The following CACNA2D1 variants were observed in gnomAD, a reference collection of about 807,000 sequenced individuals.
CACNA2D1 encodes the protein voltage-dependent calcium channel subunit alpha-2/delta-1.
A neutral mutation model predicts 171.5 loss-of-function variants in CACNA2D1; 53 were observed. The observed-to-expected ratio is 0.31, with a 90% CI of 0.25 to 0.39. The LOEUF is 0.39. CACNA2D1 is among the 10% of genes least tolerant of loss of function. CACNA2D1 has a pLI of 1.00. For missense variants in CACNA2D1, 903 were observed against 1,299.8 expected, an observed-to-expected ratio of 0.69 and a Z score of 4.69; for synonymous variants, 442 against 443.1, an observed-to-expected ratio of 1.00 and a Z score of 0.03.
chr7:82,147,367 AG>A (rs758338108), intron 4 of CACNA2D1, among the ~76,000 whole-genome samples: 13 of 152,162 alleles, frequency 8.5e-5, no homozygotes, highest in Non-Finnish European at 1.3e-4. Context: ...AGAAGAGCAA[AG>A]GTAGAATATG....
At chr7:82,418,819 A>C (rs1828433326) in intron 1 of CACNA2D1, among the ~76,000 whole-genome samples, 1 of 152,200 alleles carries the variant, frequency 6.6e-6, no homozygotes, top group African/African-American at 2.4e-5. Context: ...TCAGAGCCAC[A>C]TATAAGACTA....
chr7:82,145,639 T>G (rs966391669), intron 4 of CACNA2D1, among the ~76,000 whole-genome samples: 8 of 115,614 alleles, frequency 6.9e-5, no homozygotes, highest in African/African-American at 2.7e-4. Context: ...TATAAAAATT[T>G]TATATGTAAA....
At chr7:82,070,600 G>T (rs771268616) in intron 7 of CACNA2D1, among the ~76,000 whole-genome samples, 2 of 152,182 alleles carry the variant, frequency 1.3e-5, no homozygotes, top group Non-Finnish European at 2.9e-5. Flanking sequence ...GGGAGGAAGT[G>T]TGGAGAAAGC....
chr7:82,106,165 T>C (rs1584766860), intron 6 of CACNA2D1, among the ~76,000 whole-genome samples: 1 of 152,182 alleles, frequency 6.6e-6, no homozygotes, highest in South Asian at 2.1e-4. Flanking sequence ...GTCGTTTTAA[T>C]AAAATTTTAG....
chr7:82,324,305 C>T (rs1357048147), intron 3 of CACNA2D1, among the ~76,000 whole-genome samples: 4 of 150,260 alleles, frequency 2.7e-5, no homozygotes, highest in Admixed American at 2.0e-4. Flanking sequence ...TTGCAGTGAG[C>T]CAAGATCGCG....
intron 1 of CACNA2D1, among the ~76,000 whole-genome samples, chr7:82,424,651 T>C (rs962155481): frequency 6.6e-6 from 1 of 152,218 alleles, no homozygotes; most frequent in African/African-American, 2.4e-5. Context: ...ACAATAATGG[T>C]ATAAATTGGC....
chr7:82,158,191 A>G (rs1017967038), intron 4 of CACNA2D1, among the ~76,000 whole-genome samples: 4 of 151,758 alleles, frequency 2.6e-5, no homozygotes. Flanking sequence ...CTATATATAT[A>G]ATGTTTATAA....
At chr7:81,971,092 G>T in intron 26 of CACNA2D1, 1 of 248,004 alleles carries the variant, frequency 4.0e-6, no homozygotes. Flanking sequence ...CAAAAGGAGA[G>T]AAACAGTAAG....
intron 3 of CACNA2D1, among the ~76,000 whole-genome samples, chr7:82,304,533 T>C (rs1585413619): frequency 6.6e-6 from 1 of 152,052 alleles, no homozygotes; most frequent in South Asian, 2.1e-4. Context: ...AAAAAAAGAA[T>C]GAAATTTTGT....
chr7:82,226,762 G>A (rs778839173), intron 3 of CACNA2D1, among the ~76,000 whole-genome samples: 5 of 152,166 alleles, frequency 3.3e-5, no homozygotes, highest in African/African-American at 4.8e-5. Context: ...CTTAGCGACT[G>A]TTTTTCTTGC....
chr7:81,958,823 T>G (rs1793744810), intron 38 of CACNA2D1, among the ~76,000 whole-genome samples: 1 of 151,550 alleles, frequency 6.6e-6, no homozygotes, highest in East Asian at 1.9e-4. Flanking sequence ...TCTGTAATAA[T>G]AAGACAATGG....
intron 6 of CACNA2D1, among the ~76,000 whole-genome samples, chr7:82,111,428 G>GTATATATGTGTGTATA (rs1584787281): frequency 4.0e-5 from 2 of 50,416 alleles, no homozygotes; most frequent in Admixed American, 2.3e-4. Flanking sequence ...ATATATGTGT[G>GTATATATGTGTGTATA]TATATATATA....
intron 3 of CACNA2D1, among the ~76,000 whole-genome samples, chr7:82,333,356 C>T (rs42058): frequency 1 from 152,140 of 152,268 alleles, 76,006 homozygotes; most frequent in Middle Eastern, 1. Flanking sequence ...CTCACATGGC[C>T]AATGAAGACA....
intron 3 of CACNA2D1, among the ~76,000 whole-genome samples, chr7:82,286,353 G>C (rs1810768514): frequency 6.6e-6 from 1 of 151,922 alleles, no homozygotes; most frequent in South Asian, 2.1e-4. Flanking sequence ...TGCTGAAAAA[G>C]AAACAGATTT....
intron 32 of CACNA2D1, among the ~76,000 whole-genome samples, chr7:81,965,255 C>T (rs1044563519): frequency 6.6e-6 from 1 of 151,898 alleles, no homozygotes; most frequent in Non-Finnish European, 1.5e-5. Context: ...GAAATCACAT[C>T]AGTTTTAACA....
At chr7:81,971,633 TCAA>T (rs1795286013) in intron 26 of CACNA2D1, 141 bp downstream of exon 26, 1 of 620,524 alleles carries the variant, frequency 1.6e-6, no homozygotes, top group Admixed American at 2.7e-5. Flanking sequence ...ATGCAAGTTG[TCAA>T]CAACTGTATA....
chr7:82,330,482 A>G lies in CACNA2D1; in HGVS notation c.294+4653T>C, dbSNP rs1278278288. 3.3e-5 allele frequency among the ~76,000 whole-genome samples: 5 copies of G among 152,302 alleles called. No homozygotes were observed. The East Asian group carries it at 9.6e-4, about 29-fold the overall frequency. On this transcript the variant is annotated intron_variant, in intron 3 of 38. Coordinates refer to ENST00000356860, the MANE Select transcript of CACNA2D1 (RefSeq NM_000722.4). ...GTTAAGTAATTTCTTTAGTAGGCTT[A>G]TAAGAAAACAACCAGCTACATTTAT...
At chr7:82,392,747 A>C (rs1825275531) in intron 1 of CACNA2D1, among the ~76,000 whole-genome samples, 1 of 152,176 alleles carries the variant, frequency 6.6e-6, no homozygotes, top group Non-Finnish European at 1.5e-5. Flanking sequence ...TAGTATATGA[A>C]CACTAGGTAC....
At chr7:81,969,612 T>C (rs1310494080) in intron 28 of CACNA2D1, among the ~76,000 whole-genome samples, 3 of 151,390 alleles carry the variant, frequency 2.0e-5, no homozygotes, top group Non-Finnish European at 4.4e-5. Flanking sequence ...TATGAGGGAT[T>C]ATCTACATGT....
Sources: allele counts gnomAD v4.1 joint callset (sites outside exome capture counted in the v4.1 genomes callset), GRCh38; gene constraint gnomAD v4.1.1; transcripts MANE v1.5; gene names NCBI Gene and HGNC (gene_info 2026-07-23, HGNC 2026-07-21).